SPEG: variants seen among roughly 807,000 people sequenced by gnomAD.
SPEG encodes the protein striated muscle preferentially expressed protein kinase.
In SPEG, 114 loss-of-function variants were observed where a neutral mutation model predicts 300.4. That is an observed-to-expected ratio of 0.38 (90% confidence interval 0.33 to 0.44). SPEG has a LOEUF of 0.44. Ranked by LOEUF, SPEG falls within the 20% of genes least tolerant of loss-of-function variation. The pLI is 1.00. For synonymous variants in SPEG, 1,964 were observed against 2,018.9 expected, an observed-to-expected ratio of 0.97 and a Z score of 0.73; for missense variants, 4,201 against 4,586.2, an observed-to-expected ratio of 0.92 and a Z score of 2.43.
chr2:219,464,716 C>T lies in SPEG; in HGVS notation c.2881+108C>T. 1 of 1,173,914 alleles carries T rather than the reference C, an allele frequency of 8.5e-7. No individual in the cohort carries two copies. The highest frequency in any genetic ancestry group is 1.2e-6 in the Non-Finnish European group (1 of 826,768). The allele number at this position is 1,173,914 out of a possible 1,614,324, so 72.7% of individuals were successfully genotyped here. A position where few individuals can be genotyped will look rare whatever the true frequency, so the allele number is the denominator to read the frequency against. ...TAGAGGATGCCACCACTGAAAGGGCCTTAAGGGGCCCCTAGTCCAGCTGCT... is the reference window on the plus strand; with the variant it reads ...TAGAGGATGCCACCACTGAAAGGGCTTTAAGGGGCCCCTAGTCCAGCTGCT... On this transcript the variant is annotated intron_variant, in intron 9 of 40. Transcript: ENST00000312358. The surrounding 1 kb of genome is among the most constrained non-coding windows in gnomAD (Gnocchi z 4.5).
chr2:219,451,572 C>T lies in SPEG; in HGVS notation c.2258-53C>T, dbSNP rs1330107128. 2 of 1,444,194 alleles carry T rather than the reference C, an allele frequency of 1.4e-6. No homozygotes were observed. Among genetic ancestry groups the T allele is most frequent in the Non-Finnish European group, 1.8e-6 (2 of 1,095,066 alleles). The allele number at this position is 1,444,194 out of a possible 1,614,324, so 89.5% of individuals were successfully genotyped here. On this transcript the variant is annotated intron_variant, in intron 5 of 40. Transcript: ENST00000312358. The surrounding 1 kb of genome is among the most constrained non-coding windows in gnomAD (Gnocchi z 6.4). Reference sequence around the variant, plus strand: ...GGTGTGTGGGGTAGGAGTAGAGATTCTCAGTGGGCGCCTGTGGGCCGTGGC... The same window carrying T: ...GGTGTGTGGGGTAGGAGTAGAGATTTTCAGTGGGCGCCTGTGGGCCGTGGC...
rs71040459 is a variant in SPEG, at chr2:219,463,392, ATTTTTTTTTTTTTTTT to A, written c.2706-1018_2706-1003del. ...AATTGATTGTCTGGTCCCCACTGTGATTTTTTTTTTTTTTTTTTTTTTTTTTTTTTTTTTTTTTAGC... is the reference window on the plus strand; with the variant it reads ...AATTGATTGTCTGGTCCCCACTGTGATTTTTTTTTTTTTTTTTTTTTTAGC... On this transcript the variant is annotated intron_variant, in intron 8 of 40. Transcript: ENST00000312358. Among the ~76,000 whole-genome samples, 66 of 23,948 alleles carry A rather than the reference ATTTTTTTTTTTTTTTT, an allele frequency of 2.8e-3. No individual in the cohort carries two copies. The South Asian group carries it at 0.056, about 20-fold the overall frequency. 15.7% of individuals were successfully genotyped at this position (23,948 alleles called of 152,430 possible).
rs778440086 is a variant in SPEG, at chr2:219,490,395, C to A, written c.8922-14C>A. On this transcript the variant is annotated splice_polypyrimidine_tract_variant and intron_variant, in intron 36 of 40. Coordinates refer to ENST00000312358, the MANE Select transcript of SPEG (RefSeq NM_005876.5). ...CTCCTCTGAGCCGGTGGTGTCCCTC[C>A]CCCCGACACACAGGGGCCGCTTTGG... The A allele has an allele frequency of 5.0e-6, 8 of 1,604,712 alleles. No homozygotes were observed. The highest frequency in any genetic ancestry group is 6.0e-6 in the Non-Finnish European group (7 of 1,175,360).
chr2:219,447,905 G>A, intron 3 of SPEG, 69 bp from the exon 4 acceptor site: 1 of 1,463,150 alleles, frequency 6.8e-7, no homozygotes, highest in Non-Finnish European at 9.4e-7. Context: ...CCCAATTCCT[G>A]TCACAAGCTA....
chr2:219,438,642 C>T (rs1428708377), intron 1 of SPEG, among the ~76,000 whole-genome samples: 1 of 152,176 alleles, frequency 6.6e-6, no homozygotes, highest in African/African-American at 2.4e-5. Context: ...GGCTGAAGAG[C>T]AGACCTGCAC....
chr2:219,484,895 G>A lies in SPEG; in HGVS notation c.7432G>A (p.Gly2478Arg). Reference protein sequence around the residue: ...LQRSGSSEDSGGASGRSTPLF... With the variant: ...LQRSGSSEDSRGASGRSTPLF... ...GCGCAGTGGCAGCAGCGAGGACTCG[G>A]GGGGCGCGTCGGGCCGCAGCACGCC... The change falls in exon 30 of 41, where the codon GGG (glycine) becomes AGG (arginine). Residue 2478 changes from glycine to arginine, a missense_variant. By Grantham distance (125) the Gly-to-Arg change is moderately radical. This residue lies in a region of SPEG where 1,578 missense variants were observed against 1,506.0 expected (regional missense o/e 1.05). Transcript: ENST00000312358. 6.6e-7 allele frequency: 1 copy of A among 1,525,942 alleles called. No individual in the cohort carries two copies. Among genetic ancestry groups the A allele is most frequent in the Non-Finnish European group, 8.7e-7 (1 of 1,143,834 alleles). 94.5% of individuals were successfully genotyped at this position (1,525,942 alleles called of 1,614,324 possible).
In SPEG at chr2:219,448,386, C is replaced by G; in HGVS notation, c.1228C>G (p.Arg410Gly). 1.3e-6 allele frequency: 2 copies of G among 1,552,208 alleles called. No individual in the cohort carries two copies. Among genetic ancestry groups the G allele is most frequent in the Non-Finnish European group, 8.7e-7 (1 of 1,151,836 alleles). The change falls in exon 4 of 41, where the codon CGA becomes GGA. Residue 410 changes from arginine (R) to glycine (G), a missense_variant. By Grantham distance (125) the Arg-to-Gly change is moderately radical. Around this residue, in one of 4 missense-constraint regions of SPEG, gnomAD observed 1,258 missense variants for 1,293.9 expected, o/e 0.97. Transcript: ENST00000312358. The part of the protein sequence containing the change: ...ILDKLQFFEE[R>G]RRSLERSDSP... ...GGACAAGCTGCAGTTCTTCGAGGAGCGACGGCGCAGCCTGGAGCGCAGCGA... is the reference window on the plus strand; with the variant it reads ...GGACAAGCTGCAGTTCTTCGAGGAGGGACGGCGCAGCCTGGAGCGCAGCGA...
Position 219,467,435 on chromosome 2 carries a change from G to A in SPEG, c.3142+1G>A. 2 of 1,596,256 alleles carry A rather than the reference G, an allele frequency of 1.3e-6. No homozygotes were observed. Among genetic ancestry groups the A allele is most frequent in the Non-Finnish European group, 1.7e-6 (2 of 1,168,588 alleles). On this transcript the variant is annotated splice_donor_variant, in intron 10 of 40. Coordinates refer to ENST00000312358, the MANE Select transcript of SPEG (RefSeq NM_005876.5). LOFTEE classifies it high-confidence loss of function. ...ACCTGCAAGCTCAGCACGGCCAAAG[G>A]TAACTCCCCACTCAGGCATTGGGCT...
Position 219,443,199 on chromosome 2 carries a change from C to G in SPEG, c.389-1454C>G. On this transcript the variant is annotated intron_variant, in intron 1 of 40. Transcript: ENST00000312358. The surrounding 1 kb of genome is among the most constrained non-coding windows in gnomAD (Gnocchi z 4.6). Reference sequence around the variant, plus strand: ...GCTCTAGCCCATGCCTACTCCTCCTCTTGGTCCCTGTCCCTCTGTGAGGCA... The same window carrying G: ...GCTCTAGCCCATGCCTACTCCTCCTGTTGGTCCCTGTCCCTCTGTGAGGCA... The G allele has an allele frequency of 1.5e-5, 23 of 1,578,206 alleles. No individual in the cohort carries two copies. Among genetic ancestry groups the G allele is most frequent in the Non-Finnish European group, 2.0e-5 (23 of 1,148,244 alleles).
chr2:219,480,693 C>T lies in SPEG; in HGVS notation c.5365C>T (p.Leu1789Phe). The T allele has an allele frequency of 6.2e-7, 1 of 1,613,942 alleles. No individual in the cohort carries two copies. Among genetic ancestry groups the T allele is most frequent in the Non-Finnish European group, 8.5e-7 (1 of 1,179,862 alleles). The change falls in exon 26 of 41, where the codon CTC becomes TTC. Residue 1789 changes from leucine (L) to phenylalanine (F), a missense_variant. Physicochemically the swap from Leu to Phe is conservative, Grantham distance 22. This residue lies in a region of SPEG where 1,047 missense variants were observed against 1,356.8 expected (regional missense o/e 0.77). Coordinates refer to ENST00000312358, the MANE Select transcript of SPEG (RefSeq NM_005876.5). This position sits in a 1 kb window ranked among gnomAD's most constrained non-coding sequence, Gnocchi z 5.3. The stretch of plus-strand genomic sequence containing the variant: ...CAGGCCTGTGGGTGTTGTTGCCTTC[C>T]TCTGGTAAGGACCCCTCTGCAATGT... ...DIWPVGVVAF[L>F]CLTGISPFVG...
rs1042049930 is a variant in SPEG, at chr2:219,451,745, T to C, written c.2378T>C (p.Met793Thr). 6 of 1,559,354 alleles carry C rather than the reference T, an allele frequency of 3.8e-6. No individual in the cohort carries two copies. The highest frequency in any genetic ancestry group is 5.2e-6 in the Non-Finnish European group (6 of 1,152,152). The change falls in exon 6 of 41, where the codon ATG becomes ACG. Residue 793 changes from methionine to threonine, a missense_variant. Transcript: ENST00000312358. This position sits in a 1 kb window ranked among gnomAD's most constrained non-coding sequence, Gnocchi z 6.4. Reference sequence around the variant, plus strand: ...AGGGCAGCAGATGCCGGGAGCTATATGGCCACCGCCACCAACGAGCTGGGC... The same window carrying C: ...AGGGCAGCAGATGCCGGGAGCTATACGGCCACCGCCACCAACGAGCTGGGC... ...EARAADAGSY[M>T]ATATNELGQA...
intron 18 of SPEG, among the ~76,000 whole-genome samples, chr2:219,474,790 G>C (rs1202347328): frequency 1.5e-5 from 2 of 136,582 alleles, no homozygotes; most frequent in Non-Finnish European, 3.1e-5. Flanking sequence ...GCAGCAGCAA[G>C]GATTCTTTTT....
Position 219,480,207 on chromosome 2 carries a change from T to C in SPEG, c.5342+67T>C. 6.5e-7 allele frequency: 1 copy of C among 1,532,476 alleles called. No individual in the cohort carries two copies. The highest frequency in any genetic ancestry group is 8.9e-7 in the Non-Finnish European group (1 of 1,117,734). 94.9% of individuals were successfully genotyped at this position (1,532,476 alleles called of 1,614,324 possible). On this transcript the variant is annotated intron_variant, in intron 25 of 40. Coordinates refer to ENST00000312358, the MANE Select transcript of SPEG (RefSeq NM_005876.5). This position sits in a 1 kb window ranked among gnomAD's most constrained non-coding sequence, Gnocchi z 5.3. ...CCTTGGGGCTGTGCTGGGGACGCGC[T>C]CACTGGCAGGGAGATTTACCGAGCC...
At chr2:219,441,585 G>A (rs1448942749) in intron 1 of SPEG, 2 of 470,856 alleles carry the variant, frequency 4.2e-6, no homozygotes, top group Non-Finnish European at 8.8e-6. Flanking sequence ...GAGAGGCCCC[G>A]CGGGAGGAGG....
Position 219,484,613 on chromosome 2 carries a change from C to G in SPEG, c.7150C>G (p.Leu2384Val), listed in dbSNP as rs2125560737. ...RPSPAGTPLE[L>V]VRRPERSRSV... ...CAGCCCGGCGGGGACCCCGCTGGAGCTGGTGCGACGGCCTGAGCGCTCACG... is the reference window on the plus strand; with the variant it reads ...CAGCCCGGCGGGGACCCCGCTGGAGGTGGTGCGACGGCCTGAGCGCTCACG... The change falls in exon 30 of 41, where the codon CTG becomes GTG. Residue 2384 changes from leucine to valine, a missense_variant. By Grantham distance (32) the Leu-to-Val change is conservative. Around this residue, in one of 4 missense-constraint regions of SPEG, gnomAD observed 1,578 missense variants for 1,506.0 expected, o/e 1.05. Transcript: ENST00000312358. The G allele has an allele frequency of 6.4e-7, 1 of 1,555,080 alleles. No homozygotes were observed.
Position 219,445,300 on chromosome 2 carries a change from T to A in SPEG, c.815+139T>A. The A allele has an allele frequency of 1.2e-6, 1 of 841,750 alleles. No individual in the cohort carries two copies. The highest frequency in any genetic ancestry group is 1.9e-6 in the Non-Finnish European group (1 of 522,202). 52.1% of individuals were successfully genotyped at this position (841,750 alleles called of 1,614,324 possible). On this transcript the variant is annotated intron_variant, in intron 3 of 40. Coordinates refer to ENST00000312358, the MANE Select transcript of SPEG (RefSeq NM_005876.5). This position sits in a 1 kb window ranked among gnomAD's most constrained non-coding sequence, Gnocchi z 6.1. ...GCATTTCTTCACCCCCTGCTGCCAC[T>A]CCATCTTCCCACACTGCTCCCTCCT...
chr2:219,465,845 A>ATGCATGTGTG, intron 9 of SPEG: 1 of 608,758 alleles, frequency 1.6e-6, no homozygotes, highest in Non-Finnish European at 3.0e-6. Context: ...GTGTATGTGC[A>ATGCATGTGTG]TGCATGTGTG....
Position 219,480,035 on chromosome 2 carries a change from A to G in SPEG, c.5237A>G (p.Gln1746Arg). ...QVRICDFGNAQELTPGEPQYC... is the reference protein window; with the variant it reads ...QVRICDFGNARELTPGEPQYC... ...CGGATCTGTGACTTTGGGAATGCCC[A>G]GGAGCTGACTCCAGGAGAGCCCCAG... Residue 1746 changes from glutamine (Q) to arginine (R), a missense_variant, in exon 25 of 41, where the codon CAG becomes CGG. Around this residue, in one of 4 missense-constraint regions of SPEG, gnomAD observed 1,047 missense variants for 1,356.8 expected, o/e 0.77. Transcript: ENST00000312358. The surrounding 1 kb of genome is among the most constrained non-coding windows in gnomAD (Gnocchi z 5.3). 1 of 1,614,182 alleles carries G rather than the reference A, an allele frequency of 6.2e-7. No individual in the cohort carries two copies. Among genetic ancestry groups the G allele is most frequent in the Non-Finnish European group, 8.5e-7 (1 of 1,180,024 alleles).
intron 1 of SPEG, chr2:219,437,325 G>A (rs1195433397): frequency 1.3e-5 from 2 of 152,308 alleles, no homozygotes; most frequent in Non-Finnish European, 2.9e-5. Flanking sequence ...AAAGTGGTAA[G>A]TGGTGATGAG....
Sources: gnomAD v4.1 joint callset for allele counts (sites outside exome capture counted in the v4.1 genomes callset) on GRCh38, gnomAD v4.1.1 for gene constraint, gnomAD v4.1.1 regional missense constraint, Gnocchi (gnomAD v3.1) non-coding constraint, MANE v1.5 for transcripts, NCBI Gene and HGNC (gene_info 2026-07-23, HGNC 2026-07-21) for gene names.